TTC23L: variants seen among roughly 807,000 people sequenced by gnomAD.
The protein encoded by TTC23L is tetratricopeptide repeat domain 23 like.
TTC23L carries 42 observed loss-of-function variants against 48.1 expected under a neutral mutation model. That is an observed-to-expected ratio of 0.87 (90% CI 0.68 to 1.13). The LOEUF (loss-of-function observed/expected upper bound fraction) is 1.13. TTC23L is among the 50% of genes most tolerant of loss of function. TTC23L has a pLI of 0.00. For synonymous variants in TTC23L, 159 were observed against 157.2 expected (o/e 1.01, Z -0.09); for missense variants, 391 against 421.0 (o/e 0.93, Z 0.62).
intron 9 of TTC23L, among the ~76,000 whole-genome samples, chr5:34,881,027 T>C (rs1381886354): frequency 6.6e-6 from 1 of 152,168 alleles, no homozygotes; most frequent in Non-Finnish European, 1.5e-5. Context: ...TTTTTGGTGA[T>C]CTAAATAAAG....
chr5:34,850,434 G>A, intron 4 of TTC23L, 126 bp downstream of exon 4: 1 of 1,152,672 alleles, frequency 8.7e-7, no homozygotes, highest in Admixed American at 2.2e-5. Context: ...ACATTATCAG[G>A]AAGGAAAGTC....
rs1258688618 is a variant in TTC23L at position 34,839,697 on chromosome 5, G to A, written c.-8+438G>A. 4 of 983,322 alleles carry A rather than the reference G, an allele frequency of 4.1e-6. No individual in the cohort carries two copies. The African/African-American group carries it at 7.0e-5, about 17-fold the overall frequency. 60.9% of individuals were successfully genotyped at this position (983,322 alleles called of 1,614,324 possible). On this transcript the variant is annotated intron_variant, in intron 1 of 10. Transcript: ENST00000505624. ...GGCTCGGTGGGAATTAGTGATTCTG[G>A]AGGGTGAAAGGAGAGGCGACTTGGT...
At chr5:34,924,765 C>CA in the TTC23L span, 1 of 834,478 alleles carries the variant, frequency 1.2e-6, no homozygotes, top group Admixed American at 2.3e-5. Flanking sequence ...ATTTCAGGCA[C>CA]ATTTATAATG....
chr5:34,917,223 T>C, the TTC23L span, among the ~76,000 whole-genome samples: 1 of 152,234 alleles, frequency 6.6e-6, no homozygotes, highest in East Asian at 1.9e-4. Context: ...TGCATTAGGC[T>C]TCATTTGGGG....
At chr5:34,877,361 CTTT>C (rs796888113) in intron 8 of TTC23L, among the ~76,000 whole-genome samples, 10 of 121,070 alleles carry the variant, frequency 8.3e-5, no homozygotes, top group Admixed American at 2.5e-4. Context: ...CACCATTGTT[CTTT>C]TTTTTTTTTT....
intron 2 of TTC23L, among the ~76,000 whole-genome samples, chr5:34,844,656 T>C (rs1485071441): frequency 1.3e-5 from 2 of 152,206 alleles, no homozygotes; most frequent in Non-Finnish European, 2.9e-5. Flanking sequence ...GGCTGAACTT[T>C]TGAGTTATTG....
the TTC23L span, among the ~76,000 whole-genome samples, chr5:34,912,112 T>C: frequency 1.3e-5 from 2 of 152,286 alleles, no homozygotes; most frequent in East Asian, 3.9e-4. Flanking sequence ...AATTTCAGGG[T>C]AGAGAATCTA....
At chr5:34,845,754 T>C in intron 3 of TTC23L, 81 bp downstream of exon 3, 1 of 1,338,650 alleles carries the variant, frequency 7.5e-7, no homozygotes, top group Non-Finnish European at 1.0e-6. Context: ...TCGATGCAGA[T>C]TGAAGCATAT....
At chr5:34,904,051 G>T (rs1192611822), downstream of TTC23L, among the ~76,000 whole-genome samples, 2 of 151,640 alleles carry the variant, frequency 1.3e-5, no homozygotes, top group Non-Finnish European at 2.9e-5. Flanking sequence ...CTGCAGCCTT[G>T]AACTCCTGGG....
chr5:34,898,155 G>A (rs1763345676), intron 10 of TTC23L, among the ~76,000 whole-genome samples: 1 of 152,180 alleles, frequency 6.6e-6, no homozygotes, highest in Non-Finnish European at 1.5e-5. Context: ...TAGTAATCAT[G>A]TACTAAGTAA....
At chr5:34,880,436 G>T in intron 9 of TTC23L, 128 bp downstream of exon 9, 1 of 1,010,804 alleles carries the variant, frequency 9.9e-7, no homozygotes, top group Non-Finnish European at 1.4e-6. Context: ...GAACCACATT[G>T]TTTCATTCTT....
At chr5:34,888,569 A>T in intron 9 of TTC23L, 1 of 960,056 alleles carries the variant, frequency 1.0e-6, no homozygotes, top group Non-Finnish European at 1.2e-6. Flanking sequence ...CAGCCATGTC[A>T]TCAATGTGGA....
the TTC23L span, chr5:34,909,415 CAA>C: frequency 1.6e-6 from 2 of 1,217,170 alleles, no homozygotes; most frequent in Non-Finnish European, 2.4e-6. Context: ...CATTAGGATC[CAA>C]ATAAAGAAAA....
At chr5:34,869,088 G>A (rs1761264290) in intron 8 of TTC23L, 75 bp downstream of exon 8, 1 of 1,192,524 alleles carries the variant, frequency 8.4e-7, no homozygotes, top group Admixed American at 2.0e-5. Context: ...GCCTATCTAA[G>A]ATTCTAATTA....
intron 1 of TTC23L, among the ~76,000 whole-genome samples, chr5:34,840,243 G>GGA (rs1554016515): frequency 1.4e-5 from 2 of 142,920 alleles, no homozygotes; most frequent in Admixed American, 6.8e-5. Flanking sequence ...ACCCCGGGGG[G>GGA]GGGGGGGAAA....
intron 4 of TTC23L, among the ~76,000 whole-genome samples, chr5:34,858,422 T>C (rs1760303377): frequency 6.6e-6 from 1 of 152,204 alleles, no homozygotes; most frequent in Non-Finnish European, 1.5e-5. Flanking sequence ...GTATGTGCTA[T>C]GAAAATAATT....
chr5:34,913,610 A>C, the TTC23L span: 1 of 1,327,546 alleles, frequency 7.5e-7, no homozygotes, highest in South Asian at 1.3e-5. Context: ...AAATTGTTAC[A>C]TAAAAGAATA....
chr5:34,862,191 C>G (rs564005650), intron 4 of TTC23L, among the ~76,000 whole-genome samples: 2 of 152,262 alleles, frequency 1.3e-5, no homozygotes, highest in South Asian at 4.1e-4. Context: ...CCAGTTCTGT[C>G]TAGCTGGGGT....
chr5:34,848,432 C>T (rs895248682), intron 3 of TTC23L, among the ~76,000 whole-genome samples: 6 of 152,046 alleles, frequency 3.9e-5, no homozygotes, highest in Admixed American at 1.3e-4. Context: ...CAGATAACAG[C>T]GAACATGAGG....
Sources: gnomAD v4.1 joint callset for allele counts (sites outside exome capture counted in the v4.1 genomes callset) on GRCh38, gnomAD v4.1.1 for gene constraint, MANE v1.5 for transcripts, NCBI Gene and HGNC (gene_info 2026-07-23, HGNC 2026-07-21) for gene names.